Variants in DLG4 observed in about 807,000 individuals in gnomAD.
The protein encoded by DLG4 is disks large homolog 4.
A neutral mutation model predicts 93.8 loss-of-function variants in DLG4; 7 were observed. That is an observed-to-expected ratio of 0.07 (90% confidence interval 0.04 to 0.14). DLG4 has a LOEUF of 0.14. Ranked by LOEUF, DLG4 falls within the 10% of genes least tolerant of loss-of-function variation. DLG4 has a pLI of 1.00. For missense variants in DLG4, 545 were observed against 992.9 expected (o/e 0.55, Z 6.06); for synonymous variants, 341 against 387.6 (o/e 0.88, Z 1.41).
In DLG4 at chr17:7,217,110, A is replaced by G; in HGVS notation, c.30+8T>C. ...CCCCCCAGTTTATAGCCCCCCCATCATGCTTACCTTGGTTGTCACTATACA... is the reference window on the plus strand; with the variant it reads ...CCCCCCAGTTTATAGCCCCCCCATCGTGCTTACCTTGGTTGTCACTATACA... On this transcript the variant is annotated splice_region_variant and intron_variant, in intron 1 of 19. Transcript: ENST00000399506. The G allele has an allele frequency of 7.8e-7, 1 of 1,283,812 alleles. No homozygotes were observed. The highest frequency in any genetic ancestry group is 9.9e-7 in the Non-Finnish European group (1 of 1,013,230). 79.5% of individuals were successfully genotyped at this position (1,283,812 alleles called of 1,614,324 possible). A position where few individuals can be genotyped will look rare whatever the true frequency, so the allele number is the denominator to read the frequency against.
In DLG4 at chr17:7,204,048, G is replaced by A. The variant is rs200154740; in HGVS notation, c.170C>T (p.Thr57Ile). 1,545 of 1,609,858 alleles carry A rather than the reference G, an allele frequency of 9.6e-4. 3 individuals are homozygous for A. The highest frequency in any genetic ancestry group is 2.0e-3 in the Admixed American group (120 of 59,340). The change falls in exon 4 of 20, where the codon ACC (threonine) becomes ATC (isoleucine). Residue 57 changes from threonine (T) to isoleucine (I), a missense_variant. Physicochemically the swap from Thr to Ile is moderately conservative, Grantham distance 89. Transcript: ENST00000399506. ...TTCCTCGTATTCCATCTCCCCCTCG[G>A]TCCCGTTCACCTGCAACTCCAGCAC... ...APGYELQVNG[T>I]EGEMEYEEIT...
chr17:7,217,161 GC>G lies in DLG4; in HGVS notation c.-15del. On this transcript the variant is annotated 5_prime_UTR_variant, in exon 1 of 20. Coordinates refer to ENST00000399506, the MANE Select transcript of DLG4 (RefSeq NM_001321075.3). ...GAGACAGTCCATGTTGGGGGGCCTG[GC>G]CGCGGCGGCGGGTAAGGGGCTCTGA... The G allele has an allele frequency of 7.8e-7, 1 of 1,288,260 alleles. No homozygotes were observed. Among genetic ancestry groups the G allele is most frequent in the Non-Finnish European group, 9.9e-7 (1 of 1,014,188 alleles). The allele number at this position is 1,288,260 out of a possible 1,614,324, so 79.8% of individuals were successfully genotyped here.
rs1204706400 is a variant in DLG4, at chr17:7,196,359, G to A, written c.1187-25C>T. 1.2e-6 allele frequency: 2 copies of A among 1,612,386 alleles called. No individual in the cohort carries two copies. Among genetic ancestry groups the A allele is most frequent in the Non-Finnish European group, 1.7e-6 (2 of 1,178,444 alleles). ...TCTGAGGAAGGACAGGGAGGTTTCT[G>A]AGCTCTGTCCCCATCCTACTGTCAC... is the stretch of plus-strand genomic sequence containing the variant. On this transcript the variant is annotated intron_variant, in intron 10 of 19. Transcript: ENST00000399506. The surrounding 1 kb of genome is among the most constrained non-coding windows in gnomAD (Gnocchi z 8.3).
At chr17:7,205,151 C>T in intron 2 of DLG4, 4 of 985,542 alleles carry the variant, frequency 4.1e-6, no homozygotes, top group Non-Finnish European at 4.8e-6. Flanking sequence ...CTCCCCTACG[C>T]CCCTCACCCT....
intron 1 of DLG4, 61 bp downstream of exon 1, chr17:7,217,057 C>T: frequency 8.0e-7 from 1 of 1,250,444 alleles, no homozygotes; most frequent in Non-Finnish European, 1.0e-6. Context: ...ATAAGGCCTA[C>T]TAACCCCTCC....
upstream of DLG4, chr17:7,219,848 TGCCCC>T (rs2071094987): frequency 2.6e-6 from 4 of 1,538,450 alleles, no homozygotes; most frequent in Non-Finnish European, 3.5e-6. Context: ...GCTCCCAGCA[TGCCCC>T]GGGGCCCGCA....
Position 7,193,706 on chromosome 17 carries a change from C to G in DLG4, c.1552G>C (p.Asp518His). Residue 518 changes from aspartate (D) to histidine (H), a missense_variant, in exon 15 of 20, where the codon GAC becomes CAC. Asp to His is a moderately conservative substitution (Grantham distance 81). Around this residue, in one of 5 missense-constraint regions of DLG4, gnomAD observed 428 missense variants for 741.4 expected, o/e 0.58. Coordinates refer to ENST00000399506, the MANE Select transcript of DLG4 (RefSeq NM_001321075.3). The surrounding 1 kb of genome is among the most constrained non-coding windows in gnomAD (Gnocchi z 6.7). ...GSSSGSQGRE[D>H]SVLSYETVTQ... ...ACTGTCTCGTAGCTCAGAACCGAGT[C>G]TTCTCGACCTGGTGGGAGGTGGGGC... 6.3e-7 allele frequency: 1 copy of G among 1,578,556 alleles called. No homozygotes were observed. The highest frequency in any genetic ancestry group is 1.2e-5 in the South Asian group (1 of 84,520).
Position 7,203,125 on chromosome 17 carries a change from TG to T in DLG4, c.642+67del, listed in dbSNP as rs1312061322. 3.2e-6 allele frequency: 5 copies of T among 1,570,630 alleles called. No homozygotes were observed. In the African/African-American group the frequency reaches 6.7e-5, roughly 21 times the overall value. On this transcript the variant is annotated intron_variant, in intron 7 of 19. Transcript: ENST00000399506. This position sits in a 1 kb window ranked among gnomAD's most constrained non-coding sequence, Gnocchi z 7.2. The stretch of plus-strand genomic sequence containing the variant: ...AAGCACTGGGGTGAAGTGATGAACT[TG>T]GGCCTGCCAGGGCTAGTAGGTGAGA...
upstream of DLG4, chr17:7,218,666 C>G: frequency 1.3e-6 from 2 of 1,552,642 alleles, no homozygotes; most frequent in Non-Finnish European, 1.7e-6. Flanking sequence ...AGAATTGGGA[C>G]AGGGAAGATG....
intron 17 of DLG4, chr17:7,192,375 A>C: frequency 4.6e-6 from 1 of 215,320 alleles, no homozygotes; most frequent in Non-Finnish European, 9.2e-6. Context: ...AAAAAGGAGA[A>C]AGGAAGTAGG....
chr17:7,201,583 T>C (rs1196252489), intron 8 of DLG4, among the ~76,000 whole-genome samples: 1 of 152,144 alleles, frequency 6.6e-6, no homozygotes, highest in Non-Finnish European at 1.5e-5. Flanking sequence ...CCCTGCCCTC[T>C]TTGTAAGTTA....
In DLG4 at chr17:7,203,978, C is replaced by G. The variant is rs372209844; in HGVS notation, c.210+30G>C. 3 of 1,607,950 alleles carry G rather than the reference C, an allele frequency of 1.9e-6. No individual in the cohort carries two copies. The South Asian group carries it at 3.3e-5, about 18-fold the overall frequency. On this transcript the variant is annotated intron_variant, in intron 4 of 19. Transcript: ENST00000399506. This position sits in a 1 kb window ranked among gnomAD's most constrained non-coding sequence, Gnocchi z 7.2. ...AAAGAAAGGTACAGACGGGAGGCCA[C>G]GGGGACTGCCGATGGAGGAGCCTGC... is the stretch of plus-strand genomic sequence containing the variant.
chr17:7,192,863 A>G, intron 17 of DLG4, 82 bp downstream of exon 17: 1 of 1,418,032 alleles, frequency 7.1e-7, no homozygotes, highest in Non-Finnish European at 9.5e-7. Context: ...ACAGAGAGAG[A>G]GAGAGTTAGA....
rs535754770 is a variant in DLG4, at chr17:7,188,205, G to T, written c.*2503C>A. ...ATCCTGATGGACTCGGTCCTGCATAGAAAATCCTGCAGGGCAATACGTGGC... is the reference window on the plus strand; with the variant it reads ...ATCCTGATGGACTCGGTCCTGCATATAAAATCCTGCAGGGCAATACGTGGC... On this transcript the variant is annotated 3_prime_UTR_variant, in exon 20 of 20. Transcript: ENST00000399506. Among the ~76,000 whole-genome samples, 1 of 152,184 alleles carries T rather than the reference G, an allele frequency of 6.6e-6. No homozygotes were observed. The highest frequency in any genetic ancestry group is 1.9e-4 in the East Asian group (1 of 5,174).
intron 2 of DLG4, among the ~76,000 whole-genome samples, chr17:7,206,141 G>C (rs1421446513): frequency 1.3e-5 from 2 of 151,894 alleles, no homozygotes; most frequent in African/African-American, 2.4e-5. Flanking sequence ...CCAGGCTGGA[G>C]TGCAGTGGTG....
At chr17:7,215,975 A>G (rs1314321805) in intron 1 of DLG4, among the ~76,000 whole-genome samples, 2 of 148,420 alleles carry the variant, frequency 1.3e-5, no homozygotes, top group Non-Finnish European at 3.0e-5. Context: ...CAGAGTCTCC[A>G]AGGAGAGCCT....
At position 7,193,588 on chromosome 17, in the gene DLG4, CAG is replaced by C; in HGVS notation, c.1592-6_1592-5del. The C allele has an allele frequency of 6.6e-7, 1 of 1,525,108 alleles. No homozygotes were observed. Among genetic ancestry groups the C allele is most frequent in the Non-Finnish European group, 8.8e-7 (1 of 1,139,152 alleles). The allele number at this position is 1,525,108 out of a possible 1,614,324, so 94.5% of individuals were successfully genotyped here. On this transcript the variant is annotated splice_region_variant and splice_polypyrimidine_tract_variant and intron_variant, in intron 15 of 19. Coordinates refer to ENST00000399506, the MANE Select transcript of DLG4 (RefSeq NM_001321075.3). This position sits in a 1 kb window ranked among gnomAD's most constrained non-coding sequence, Gnocchi z 6.7. ...ATGATGGGGCGAGCATAGTGCACTG[CAG>C]AGAGAGCCTGGCTTAGGCCGAGCGC...
chr17:7,211,059 G>A (rs1207901895), intron 1 of DLG4, among the ~76,000 whole-genome samples: 2 of 148,310 alleles, frequency 1.3e-5, no homozygotes, highest in Non-Finnish European at 3.0e-5. Flanking sequence ...GAAGAGGTTA[G>A]GGACTAGGTT....
intron 8 of DLG4, among the ~76,000 whole-genome samples, chr17:7,202,551 C>T (rs1388474227): frequency 6.6e-6 from 1 of 152,196 alleles, no homozygotes; most frequent in African/African-American, 2.4e-5. Context: ...TTATTTTACA[C>T]TATCCTTGTG....
Sources: gnomAD v4.1 joint callset for allele counts (sites outside exome capture counted in the v4.1 genomes callset) on GRCh38, gnomAD v4.1.1 for gene constraint, gnomAD v4.1.1 regional missense constraint, Gnocchi (gnomAD v3.1) non-coding constraint, MANE v1.5 for transcripts, NCBI Gene and HGNC (gene_info 2026-07-23, HGNC 2026-07-21) for gene names.